Variants in MVB12B observed in about 807,000 individuals in gnomAD.
MVB12B encodes the protein ESCRT-I complex subunit MVB12B.
A neutral mutation model predicts 41.6 loss-of-function variants in MVB12B; 16 were observed. That is an observed-to-expected ratio of 0.38 (90% CI 0.26 to 0.58). MVB12B has a LOEUF of 0.58. MVB12B is among the 20% of genes least tolerant of loss of function. The pLI is 0.62. For synonymous variants in MVB12B, 133 were observed against 139.7 expected (o/e 0.95, Z 0.34); for missense variants, 274 against 380.2 (o/e 0.72, Z 2.32).
intron 2 of MVB12B, among the ~76,000 whole-genome samples, chr9:126,372,544 G>A (rs1830368709): frequency 6.6e-6 from 1 of 152,220 alleles, no homozygotes; most frequent in Non-Finnish European, 1.5e-5. Context: ...TGGATTGCCT[G>A]TCCTTTTAAT....
intron 9 of MVB12B, among the ~76,000 whole-genome samples, chr9:126,500,106 G>T (rs1432597214): frequency 6.6e-6 from 1 of 152,198 alleles, no homozygotes; most frequent in African/African-American, 2.4e-5. Context: ...GGACACTCGG[G>T]CTGGGGCTGC....
intron 7 of MVB12B, among the ~76,000 whole-genome samples, chr9:126,425,201 A>G (rs1049125002): frequency 1.3e-5 from 2 of 152,160 alleles, no homozygotes; most frequent in Non-Finnish European, 2.9e-5. Context: ...TGAGGCCAGG[A>G]GTTTGAGGCT....
chr9:126,378,048 T>C (rs1157737660), intron 2 of MVB12B, among the ~76,000 whole-genome samples: 1 of 152,216 alleles, frequency 6.6e-6, no homozygotes, highest in Non-Finnish European at 1.5e-5. Flanking sequence ...TTTAAGCTAT[T>C]GGGCCTCAAA....
At chr9:126,502,858 A>C (rs577523051) in intron 9 of MVB12B, among the ~76,000 whole-genome samples, 1 of 152,300 alleles carries the variant, frequency 6.6e-6, no homozygotes, top group African/African-American at 2.4e-5. Context: ...GGCCTGGCAG[A>C]TGGGCGGCAC....
At chr9:126,329,200 C>G (rs1344727476) in intron 1 of MVB12B, among the ~76,000 whole-genome samples, 1 of 152,094 alleles carries the variant, frequency 6.6e-6, no homozygotes, top group African/African-American at 2.4e-5. Flanking sequence ...CCAGGTGACC[C>G]TAGGGGAGTC....
At chr9:126,366,563 GCAT>G (rs1262252819) in intron 2 of MVB12B, among the ~76,000 whole-genome samples, 1 of 152,050 alleles carries the variant, frequency 6.6e-6, no homozygotes, top group Non-Finnish European at 1.5e-5. Flanking sequence ...GCTTATTATT[GCAT>G]CATATTTTCT....
chr9:126,338,933 C>T (rs1358504859), intron 1 of MVB12B, among the ~76,000 whole-genome samples: 1 of 152,200 alleles, frequency 6.6e-6, no homozygotes, highest in African/African-American at 2.4e-5. Context: ...GCAGATAAAC[C>T]TGCCTGGTAA....
At chr9:126,372,048 GC>G (rs1830356203) in intron 2 of MVB12B, among the ~76,000 whole-genome samples, 1 of 152,088 alleles carries the variant, frequency 6.6e-6, no homozygotes, top group African/African-American at 2.4e-5. Context: ...AACTCTTCCT[GC>G]CCCCCAGTCC....
Position 126,335,029 on chromosome 9 carries a change from G to A in MVB12B, c.82-5479G>A, listed in dbSNP as rs141438899. 5.2e-3 allele frequency among the ~76,000 whole-genome samples: 799 copies of A among 152,246 alleles called. 3 individuals carry two copies. The highest frequency in any genetic ancestry group is 8.3e-3 in the Non-Finnish European group (567 of 68,032). On this transcript the variant is annotated intron_variant, in intron 1 of 9. Coordinates refer to ENST00000361171, the MANE Select transcript of MVB12B (RefSeq NM_033446.3). ...AGCATAAGGCAGATTGAATACACAC[G>A]TGCATACACTGGATTCTTCTGTTGG...
At chr9:126,497,503 C>T (rs1182296706) in intron 9 of MVB12B, among the ~76,000 whole-genome samples, 1 of 152,118 alleles carries the variant, frequency 6.6e-6, no homozygotes, top group African/African-American at 2.4e-5. Flanking sequence ...CCAGTAGTGG[C>T]AAGGAGGTTC....
intron 8 of MVB12B, among the ~76,000 whole-genome samples, 167 bp from the exon 9 acceptor site, chr9:126,483,806 C>T (rs924799478): frequency 2.0e-5 from 3 of 152,150 alleles, no homozygotes; most frequent in African/African-American, 4.8e-5. Context: ...TCTCCTGCCA[C>T]CCCCACGCGT....
chr9:126,440,098 C>G (rs956697747), intron 7 of MVB12B, among the ~76,000 whole-genome samples: 7 of 152,182 alleles, frequency 4.6e-5, no homozygotes, highest in African/African-American at 1.4e-4. Context: ...TGGACAGATG[C>G]CTGAGGGTGA....
At chr9:126,415,175 G>T (rs989225514) in intron 6 of MVB12B, among the ~76,000 whole-genome samples, 1 of 152,176 alleles carries the variant, frequency 6.6e-6, no homozygotes, top group Non-Finnish European at 1.5e-5. Flanking sequence ...CAGGTACAGG[G>T]TCGTGATCGG....
At chr9:126,444,197 C>T (rs553085487) in intron 7 of MVB12B, among the ~76,000 whole-genome samples, 25 of 152,250 alleles carry the variant, frequency 1.6e-4, no homozygotes, top group African/African-American at 6.0e-4. Context: ...ACATTATCTT[C>T]ATTTCTAAAA....
At chr9:126,360,417 G>A (rs1829997441) in intron 2 of MVB12B, among the ~76,000 whole-genome samples, 1 of 152,162 alleles carries the variant, frequency 6.6e-6, no homozygotes, top group Non-Finnish European at 1.5e-5. Context: ...AAAACTATCT[G>A]TAATTTATAA....
At chr9:126,400,241 G>A (rs1035026113) in intron 6 of MVB12B, among the ~76,000 whole-genome samples, 1 of 152,206 alleles carries the variant, frequency 6.6e-6, no homozygotes, top group Admixed American at 6.5e-5. Flanking sequence ...GTTTCCAGGT[G>A]GGGATGGAGG....
At chr9:126,364,728 TC>T (rs1453620408) in intron 2 of MVB12B, among the ~76,000 whole-genome samples, 1 of 152,142 alleles carries the variant, frequency 6.6e-6, no homozygotes, top group African/African-American at 2.4e-5. Context: ...ATAGAAAAAC[TC>T]CTCCCTTCTT....
chr9:126,498,553 G>A (rs555315246), intron 9 of MVB12B, among the ~76,000 whole-genome samples: 23 of 152,346 alleles, frequency 1.5e-4, no homozygotes, highest in African/African-American at 5.5e-4. Flanking sequence ...CCCCCATGCT[G>A]GAGTTGCACC....
chr9:126,459,515 C>T lies in MVB12B; in HGVS notation c.758-21854C>T, dbSNP rs1329731186. ...CCTGTGAGACCACGAGACCCTCACC[C>T]CAGCAGCACGCGGGCACGCAGCCCA... On this transcript the variant is annotated intron_variant, in intron 7 of 9. Transcript: ENST00000361171. This position sits in a 1 kb window ranked among gnomAD's most constrained non-coding sequence, Gnocchi z 4.3. 6.6e-6 allele frequency among the ~76,000 whole-genome samples: 1 copy of T among 152,196 alleles called. No homozygotes were observed. The highest frequency in any genetic ancestry group is 1.9e-4 in the East Asian group (1 of 5,192).
Sources: gnomAD v4.1 joint callset for allele counts (sites outside exome capture counted in the v4.1 genomes callset) on GRCh38, gnomAD v4.1.1 for gene constraint, Gnocchi (gnomAD v3.1) non-coding constraint, MANE v1.5 for transcripts, NCBI Gene and HGNC (gene_info 2026-07-23, HGNC 2026-07-21) for gene names.